The following RANBP2 variants were observed in gnomAD, a reference collection of about 807,000 sequenced individuals.
RANBP2 encodes E3 SUMO-protein ligase RanBP2.
Under a neutral mutation model 303.6 loss-of-function variants are expected in RANBP2, and 57 were observed. The observed-to-expected ratio is 0.19, with a 90% confidence interval of 0.15 to 0.23. The LOEUF (loss-of-function observed/expected upper bound fraction) is 0.23. RANBP2 is among the 10% of genes least tolerant of loss of function. RANBP2 has a pLI of 1.00. For missense variants in RANBP2, 3,138 were observed against 3,780.8 expected (o/e 0.83, Z 4.46); for synonymous variants, 1,167 against 1,301.5 (o/e 0.90, Z 2.23).
chr2:109,668,280 G>A, the RANBP2 span, among the ~76,000 whole-genome samples: 1 of 152,170 alleles, frequency 6.6e-6, no homozygotes, highest in Non-Finnish European at 1.5e-5. Context: ...TAATTATTTT[G>A]TACTATAAAA....
At chr2:109,361,442 G>A in the RANBP2 span, among the ~76,000 whole-genome samples, 1 of 152,018 alleles carries the variant, frequency 6.6e-6, no homozygotes, top group Non-Finnish European at 1.5e-5. Flanking sequence ...TCTGGTCCTG[G>A]TTCTTTCTGT....
chr2:108,791,829 A>T, the RANBP2 span: 1 of 1,545,760 alleles, frequency 6.5e-7, no homozygotes, highest in Non-Finnish European at 8.8e-7. Flanking sequence ...AGAACAATCA[A>T]TTCAGTAGTA....
the RANBP2 span, among the ~76,000 whole-genome samples, chr2:109,542,208 A>T: frequency 3.5e-3 from 534 of 152,302 alleles, 5 homozygotes; most frequent in African/African-American, 0.012. Context: ...TTGTAAGAAG[A>T]AGTCATTAAA....
chr2:109,567,016 G>GT, the RANBP2 span, among the ~76,000 whole-genome samples: 2,732 of 151,298 alleles, frequency 0.018, 74 homozygotes, highest in African/African-American at 0.062. Flanking sequence ...ACATTAGTCA[G>GT]TTTTTTTTTA....
chr2:109,188,448 A>T, the RANBP2 span, among the ~76,000 whole-genome samples: 1 of 152,172 alleles, frequency 6.6e-6, no homozygotes, highest in Non-Finnish European at 1.5e-5. Context: ...ACAGGTGTGG[A>T]TGAAGCATGC....
chr2:108,772,456 A>T, intron 21 of RANBP2, 33 bp from the exon 22 acceptor site: 4 of 1,584,456 alleles, frequency 2.5e-6, no homozygotes, highest in Non-Finnish European at 3.5e-6. Context: ...CCCAAAATTA[A>T]CTAGAAATTC....
chr2:109,760,396 G>A, the RANBP2 span: 149 of 540,156 alleles, frequency 2.8e-4, no homozygotes, highest in Non-Finnish European at 3.1e-4. Context: ...GCCAGGCGGG[G>A]CGGGGGCGGC....
chr2:108,893,837 A>AATT, the RANBP2 span, among the ~76,000 whole-genome samples: 4 of 152,130 alleles, frequency 2.6e-5, no homozygotes, highest in African/African-American at 9.7e-5. Context: ...GTCTCAAAAT[A>AATT]ATTATGTAAT....
chr2:109,614,473 G>C, the RANBP2 span: 1 of 1,222,120 alleles, frequency 8.2e-7, no homozygotes, highest in Non-Finnish European at 1.0e-6. Context: ...GCTGGCGGGG[G>C]AGCAGCGCGG....
chr2:109,070,765 T>G, the RANBP2 span, among the ~76,000 whole-genome samples: 1 of 150,020 alleles, frequency 6.7e-6, no homozygotes, highest in Non-Finnish European at 1.5e-5. Flanking sequence ...GAGGCTGAGG[T>G]GGGAGGATCA....
At chr2:108,949,384 T>C in the RANBP2 span, among the ~76,000 whole-genome samples, 1 of 152,222 alleles carries the variant, frequency 6.6e-6, no homozygotes, top group Non-Finnish European at 1.5e-5. Context: ...ATAATTTTGC[T>C]TTTCAGTCAG....
chr2:109,207,530 G>T, the RANBP2 span, among the ~76,000 whole-genome samples: 3 of 152,182 alleles, frequency 2.0e-5, no homozygotes, highest in African/African-American at 2.4e-5. Flanking sequence ...GAATTTCATG[G>T]TAAAACAGTG....
chr2:109,214,120 G>T, the RANBP2 span, among the ~76,000 whole-genome samples: 1 of 152,210 alleles, frequency 6.6e-6, no homozygotes, highest in Non-Finnish European at 1.5e-5. Context: ...TCTTGGGTGT[G>T]CCGGGTGCCC....
intron 23 of RANBP2, among the ~76,000 whole-genome samples, chr2:108,775,356 G>GA (rs1366935505): frequency 6.6e-6 from 1 of 152,154 alleles, no homozygotes; most frequent in African/African-American, 2.4e-5. Flanking sequence ...GTGCACTTGA[G>GA]AAGAAAGTAG....
the RANBP2 span, among the ~76,000 whole-genome samples, chr2:109,249,467 C>CTCTTTCCT: frequency 6.0e-5 from 6 of 99,286 alleles, no homozygotes; most frequent in Admixed American, 2.2e-4. Flanking sequence ...TTCTCTCTTT[C>CTCTTTCCT]TCTTTCTTTC....
At position 108,765,149 on chromosome 2, in the gene RANBP2, A is replaced by G. The variant is rs1303683162; in HGVS notation, c.4610A>G (p.Glu1537Gly). ...AGTAAAACTCTAAAAAGTGGATTTG[A>G]AGACATGTTTGCTAAGAAGGAAGGA... ...ETSKTLKSGF[E>G]DMFAKKEGQW... is the part of the protein sequence containing the mutation. The change falls in exon 20 of 29, where the codon GAA becomes GGA. Residue 1537 changes from glutamate (E) to glycine (G), a missense_variant. By Grantham distance (98) the Glu-to-Gly change is moderately conservative. Transcript: ENST00000283195. The G allele has an allele frequency of 1.2e-6, 2 of 1,613,998 alleles. No homozygotes were observed. Among genetic ancestry groups the G allele is most frequent in the Non-Finnish European group, 1.7e-6 (2 of 1,179,938 alleles).
the RANBP2 span, among the ~76,000 whole-genome samples, chr2:109,414,502 GA>G: frequency 1.3e-5 from 2 of 152,130 alleles, no homozygotes; most frequent in African/African-American, 4.8e-5. Flanking sequence ...CAATGGACAC[GA>G]GGAGCAATCA....
At chr2:108,914,700 A>G in the RANBP2 span, among the ~76,000 whole-genome samples, 1 of 151,996 alleles carries the variant, frequency 6.6e-6, no homozygotes, top group African/African-American at 2.4e-5. Flanking sequence ...TGCATCTCCC[A>G]CTCTCTCACT....
chr2:109,078,826 CAA>C, the RANBP2 span, among the ~76,000 whole-genome samples: 74 of 105,374 alleles, frequency 7.0e-4, no homozygotes, highest in African/African-American at 1.5e-3. Context: ...ACTAAAAATA[CAA>C]AAAAAAAAAA....
Sources: gnomAD v4.1 joint callset for allele counts (sites outside exome capture counted in the v4.1 genomes callset) on GRCh38, gnomAD v4.1.1 for gene constraint, MANE v1.5 for transcripts, NCBI Gene and HGNC (gene_info 2026-07-23, HGNC 2026-07-21) for gene names.